Variants in FURIN observed in about 807,000 individuals in gnomAD.
The protein encoded by FURIN is furin, paired basic amino acid cleaving enzyme.
A neutral mutation model predicts 89.2 loss-of-function variants in FURIN; 18 were observed. That is an observed-to-expected ratio of 0.20 (90% CI 0.14 to 0.30). The LOEUF is 0.30. FURIN is among the 10% of genes least tolerant of loss of function. FURIN has a pLI of 1.00. For synonymous variants in FURIN, 508 were observed against 466.4 expected, an observed-to-expected ratio of 1.09 and a Z score of -1.15; for missense variants, 879 against 1,100.5, an observed-to-expected ratio of 0.80 and a Z score of 2.85.
intron 9 of FURIN, 81 bp downstream of exon 9, chr15:90,879,057 T>A: frequency 2.3e-6 from 2 of 867,912 alleles, no homozygotes; most frequent in Non-Finnish European, 3.7e-6. Context: ...GGAGGCTGTC[T>A]GCCTCCACCC....
At chr15:90,875,520 T>A in intron 1 of FURIN, 62 bp from the exon 2 acceptor site, 1 of 463,282 alleles carries the variant, frequency 2.2e-6, no homozygotes, top group Middle Eastern at 5.5e-4. Flanking sequence ...GCAGGGCAGC[T>A]TTAGTGCGTA....
Position 90,881,890 on chromosome 15 carries a change from C to G in FURIN, c.*12C>G, listed in dbSNP as rs754895440. 1.9e-4 allele frequency: 288 copies of G among 1,552,568 alleles called. No homozygotes were observed. The highest frequency in any genetic ancestry group is 3.5e-4 in the Middle Eastern group (2 of 5,736). On this transcript the variant is annotated 3_prime_UTR_variant, in exon 16 of 16. Transcript: ENST00000268171. This position sits in a 1 kb window ranked among gnomAD's most constrained non-coding sequence, Gnocchi z 4.3. The stretch of plus-strand genomic sequence containing the variant: ...AGAGCGCCCTCTGATGAGCCCACTG[C>G]CCACCCCCTCAAGCCAATCCCCTCC...
intron 9 of FURIN, 70 bp from the exon 10 acceptor site, chr15:90,879,374 A>T: frequency 9.0e-7 from 1 of 1,106,268 alleles, no homozygotes; most frequent in East Asian, 2.4e-5. Context: ...ATGCAGAGGG[A>T]GGGTAGGCAG....
intron 1 of FURIN, chr15:90,871,550 C>CGCGGCGGCGGAGGAGGAGGA (rs1555428152): frequency 4.1e-5 from 6 of 147,034 alleles, no homozygotes; most frequent in East Asian, 2.0e-4. Context: ...GGCCGAGGGG[C>CGCGGCGGCGGAGGAGGAGGA]GCCCGAGCCG....
At position 90,881,967 on chromosome 15, in the gene FURIN, G is replaced by A. The variant is rs1387005679; in HGVS notation, c.*89G>A. On this transcript the variant is annotated 3_prime_UTR_variant, in exon 16 of 16. Coordinates refer to ENST00000268171, the MANE Select transcript of FURIN (RefSeq NM_002569.4). The surrounding 1 kb of genome is among the most constrained non-coding windows in gnomAD (Gnocchi z 4.3). The stretch of plus-strand genomic sequence containing the variant: ...ATTTTTTTATCTTGGGACTGGGTTT[G>A]GACCCCAGCTGGGAGGCAAGAGGGG... The A allele has an allele frequency of 2.0e-6, 2 of 983,184 alleles. No homozygotes were observed. The highest frequency in any genetic ancestry group is 3.0e-6 in the Non-Finnish European group (2 of 656,216). The allele number at this position is 983,184 out of a possible 1,614,324, so 60.9% of individuals were successfully genotyped here. A position where few individuals can be genotyped will look rare whatever the true frequency, so the allele number is the denominator to read the frequency against.
In FURIN at chr15:90,881,562, A is replaced by C. The variant is rs1216313593; in HGVS notation, c.2069A>C (p.Gln690Pro). 2 of 1,612,292 alleles carry C rather than the reference A, an allele frequency of 1.2e-6. No homozygotes were observed. The highest frequency in any genetic ancestry group is 1.7e-5 in the Admixed American group (1 of 59,956). Residue 690 changes from glutamine (Q) to proline (P), a missense_variant, in exon 16 of 16, where the codon CAG (glutamine) becomes CCG (proline). By Grantham distance (76) the Gln-to-Pro change is moderately conservative. Transcript: ENST00000268171. The surrounding 1 kb of genome is among the most constrained non-coding windows in gnomAD (Gnocchi z 4.3). ...QSSRESPPQQQPPRLPPEVEA... is the reference protein window; with the variant it reads ...QSSRESPPQQPPPRLPPEVEA... ...AGCCGAGAGTCCCCGCCACAGCAGCAGCCACCTCGGCTGCCCCCGGAGGTG... is the reference window on the plus strand; with the variant it reads ...AGCCGAGAGTCCCCGCCACAGCAGCCGCCACCTCGGCTGCCCCCGGAGGTG...
intron 14 of FURIN, 41 bp downstream of exon 14, chr15:90,880,856 G>A (rs1157698873): frequency 1.1e-5 from 18 of 1,611,000 alleles, no homozygotes; most frequent in Non-Finnish European, 1.4e-5. Flanking sequence ...GAGGTGGAGG[G>A]CTGGCAGGAT....
intron 7 of FURIN, 25 bp from the exon 8 acceptor site, chr15:90,878,107 C>T (rs1171891006): frequency 1.9e-6 from 3 of 1,612,740 alleles, no homozygotes; most frequent in African/African-American, 1.3e-5. Context: ...CAGCATCCCT[C>T]TTCGTGCCCC....
At position 90,878,259 on chromosome 15, in the gene FURIN, G is replaced by C. The variant is rs773025690; in HGVS notation, c.795G>C (p.Gly265=). Residue 265 remains glycine, a synonymous_variant, in exon 8 of 16, where the codon GGG becomes GGC. Coordinates refer to ENST00000268171, the MANE Select transcript of FURIN (RefSeq NM_002569.4). Reference sequence around the variant, plus strand: ...AGGATGACGGCAAGACAGTGGATGGGCCAGCCCGCCTCGCCGAGGAGGCCT... The same window carrying C: ...AGGATGACGGCAAGACAGTGGATGGCCCAGCCCGCCTCGCCGAGGAGGCCT... ...GPEDDGKTVD[G]PARLAEEAFF... 1 of 1,610,308 alleles carries C rather than the reference G, an allele frequency of 6.2e-7. No individual in the cohort carries two copies. The highest frequency in any genetic ancestry group is 1.1e-5 in the South Asian group (1 of 90,898).
chr15:90,877,138 C>T lies in FURIN; in HGVS notation c.505C>T (p.Pro169Ser), dbSNP rs148423424. The change falls in exon 6 of 16, where the codon CCT becomes TCT. Residue 169 changes from proline (P) to serine (S), a missense_variant. Physicochemically the swap from Pro to Ser is moderately conservative, Grantham distance 74 (BLOSUM62 -1). Transcript: ENST00000268171. Reference protein sequence around the residue: ...NHPDLAGNYDPGASFDVNDQD... With the variant: ...NHPDLAGNYDSGASFDVNDQD... ...ATGGTGGCCAAATCCTTCTTAGGAT[C>T]CTGGGGCCAGTTTTGATGTCAATGA... The T allele has an allele frequency of 2.2e-5, 35 of 1,611,044 alleles. No individual in the cohort carries two copies. The highest frequency in any genetic ancestry group is 3.3e-5 in the Admixed American group (2 of 59,818).
At chr15:90,869,359 G>A (rs2031181062) in intron 1 of FURIN, among the ~76,000 whole-genome samples, 2 of 152,180 alleles carry the variant, frequency 1.3e-5, no homozygotes, top group East Asian at 3.8e-4. Context: ...CCTGCCCACA[G>A]GACTTGTTGC....
chr15:90,881,378 A>G lies in FURIN; in HGVS notation c.1885A>G (p.Thr629Ala). The change falls in exon 16 of 16, where the codon ACC (threonine) becomes GCC (alanine). Residue 629 changes from threonine (T) to alanine (A), a missense_variant. Physicochemically the swap from Thr to Ala is moderately conservative, Grantham distance 58. Around this residue, in one of 5 missense-constraint regions of FURIN, gnomAD observed 457 missense variants for 490.7 expected, o/e 0.93. Transcript: ENST00000268171. This position sits in a 1 kb window ranked among gnomAD's most constrained non-coding sequence, Gnocchi z 4.3. ...APQVLDTHYS[T>A]ENDVETIRAS... ...CCAAGTCCTCGATACGCACTATAGC[A>G]CCGAGAATGACGTGGAGACCATCCG... 2 of 1,612,852 alleles carry G rather than the reference A, an allele frequency of 1.2e-6. No homozygotes were observed. The highest frequency in any genetic ancestry group is 1.7e-6 in the Non-Finnish European group (2 of 1,179,880).
Position 90,876,244 on chromosome 15 carries a change from C to T in FURIN, c.178-11C>T. 1 of 1,563,986 alleles carries T rather than the reference C, an allele frequency of 6.4e-7. No homozygotes were observed. Among genetic ancestry groups the T allele is most frequent in the Non-Finnish European group, 8.8e-7 (1 of 1,134,710 alleles). ...TGGAAAGCCCAGCTCAGTCTCCCTG[C>T]TCTATTGCAGATCTTCGGGGACTAT... On this transcript the variant is annotated splice_polypyrimidine_tract_variant and intron_variant, in intron 2 of 15. Coordinates refer to ENST00000268171, the MANE Select transcript of FURIN (RefSeq NM_002569.4). The surrounding 1 kb of genome is among the most constrained non-coding windows in gnomAD (Gnocchi z 5.0).
At chr15:90,874,880 GTT>G (rs1429083894) in intron 1 of FURIN, among the ~76,000 whole-genome samples, 1 of 152,078 alleles carries the variant, frequency 6.6e-6, no homozygotes, top group East Asian at 1.9e-4. Context: ...TGTATAAATA[GTT>G]TTTAAAAAAT....
Position 90,881,936 on chromosome 15 carries a change from C to A in FURIN, c.*58C>A. The stretch of plus-strand genomic sequence containing the variant: ...CCTCCTTGGGCACTTTTTAATTCAC[C>A]AAAGTATTTTTTTATCTTGGGACTG... On this transcript the variant is annotated 3_prime_UTR_variant, in exon 16 of 16. Coordinates refer to ENST00000268171, the MANE Select transcript of FURIN (RefSeq NM_002569.4). The surrounding 1 kb of genome is among the most constrained non-coding windows in gnomAD (Gnocchi z 4.3). 1 of 1,224,244 alleles carries A rather than the reference C, an allele frequency of 8.2e-7. No homozygotes were observed. The highest frequency in any genetic ancestry group is 1.2e-6 in the Non-Finnish European group (1 of 861,840). The allele number at this position is 1,224,244 out of a possible 1,614,324, so 75.8% of individuals were successfully genotyped here.
chr15:90,869,311 G>C (rs2031178552), intron 1 of FURIN, among the ~76,000 whole-genome samples: 2 of 152,092 alleles, frequency 1.3e-5, no homozygotes, highest in African/African-American at 4.8e-5. Context: ...AGGAGACCTG[G>C]GCTCCAGGGC....
Position 90,880,752 on chromosome 15 carries a change from G to A in FURIN, c.1618G>A (p.Asp540Asn), listed in dbSNP as rs746941467. The A allele has an allele frequency of 5.0e-6, 8 of 1,614,086 alleles. No individual in the cohort carries two copies. Among genetic ancestry groups the A allele is most frequent in the East Asian group, 4.5e-5 (2 of 44,880 alleles). The stretch of plus-strand genomic sequence containing the variant: ...GGCCTTCATGACAACTCATTCCTGG[G>A]ATGAGGATCCCTCTGGCGAGTGGGT... ...DWAFMTTHSW[D>N]EDPSGEWVLE... Residue 540 changes from aspartate to asparagine, a missense_variant, in exon 14 of 16, where the codon GAT becomes AAT. By Grantham distance (23) the Asp-to-Asn change is conservative. Around this residue, in one of 5 missense-constraint regions of FURIN, gnomAD observed 457 missense variants for 490.7 expected, o/e 0.93. Transcript: ENST00000268171.
chr15:90,881,998 A>T lies in FURIN; in HGVS notation c.*120A>T. 1 of 745,186 alleles carries T rather than the reference A, an allele frequency of 1.3e-6. No homozygotes were observed. The highest frequency in any genetic ancestry group is 2.7e-5 in the East Asian group (1 of 36,452). 46.2% of individuals were successfully genotyped at this position (745,186 alleles called of 1,614,324 possible). ...CAGCTGGGAGGCAAGAGGGGTGGAG[A>T]CTGCTTCCCATCCTACCCTCGGGCC... On this transcript the variant is annotated 3_prime_UTR_variant, in exon 16 of 16. Transcript: ENST00000268171. The surrounding 1 kb of genome is among the most constrained non-coding windows in gnomAD (Gnocchi z 4.3).
At chr15:90,874,524 A>G (rs1338985396) in intron 1 of FURIN, among the ~76,000 whole-genome samples, 3 of 151,774 alleles carry the variant, frequency 2.0e-5, no homozygotes, top group South Asian at 4.2e-4. Context: ...TGTGATCTCC[A>G]CCCCCGCACC....
Sources: allele counts gnomAD v4.1 joint callset (sites outside exome capture counted in the v4.1 genomes callset), GRCh38; gene constraint gnomAD v4.1.1; regional missense constraint gnomAD v4.1.1; non-coding constraint Gnocchi (gnomAD v3.1); transcripts MANE v1.5; gene names NCBI Gene and HGNC (gene_info 2026-07-23, HGNC 2026-07-21).